The following PCDHGA9 variants were observed in gnomAD, a reference collection of about 807,000 sequenced individuals.
PCDHGA9 encodes the protein protocadherin gamma-A9.
PCDHGA9 carries 37 observed loss-of-function variants against 62.5 expected under a neutral mutation model. That is an observed-to-expected ratio of 0.59 (90% confidence interval 0.46 to 0.78). PCDHGA9 has a LOEUF of 0.78. PCDHGA9 is among the 30% of genes least tolerant of loss of function. The probability of loss-of-function intolerance (pLI) is 0.00; values close to 1 mark genes in which losing one functional copy is unlikely to be tolerated. For missense variants in PCDHGA9, 1,138 were observed against 1,166.2 expected (o/e 0.98, Z 0.35); for synonymous variants, 459 against 484.6 (o/e 0.95, Z 0.69).
At chr5:141,510,366 T>A (rs1452829030) in intron 3 of PCDHGA9, among the ~76,000 whole-genome samples, 1 of 140,062 alleles carries the variant, frequency 7.1e-6, no homozygotes, top group Non-Finnish European at 1.6e-5. Context: ...AACTACCGAA[T>A]CTCTACTCGT....
rs1184232947 is a variant in PCDHGA9 at position 141,487,060 on chromosome 5, G to T, written c.2425-7747G>T. ...TCTCTCGATATGCTGGGGAGGTGCG[G>T]ACGGCTGTTCCTATCCCAGCTGACC... On this transcript the variant is annotated intron_variant, in intron 1 of 3. Transcript: ENST00000573521. This position sits in a 1 kb window ranked among gnomAD's most constrained non-coding sequence, Gnocchi z 5.0. The T allele has an allele frequency of 1.9e-6, 3 of 1,614,182 alleles. No individual in the cohort carries two copies. In the East Asian group the frequency reaches 6.7e-5, roughly 36 times the overall value.
intron 1 of PCDHGA9, chr5:141,478,068 A>G (rs560968418): frequency 3.7e-6 from 6 of 1,614,134 alleles, no homozygotes; most frequent in East Asian, 4.5e-5. Flanking sequence ...ATCAAAGACA[A>G]TGGGGAGCCT....
intron 1 of PCDHGA9, chr5:141,426,945 A>G: frequency 8.8e-6 from 4 of 456,724 alleles, no homozygotes; most frequent in Non-Finnish European, 1.8e-5. Context: ...CCCAGTCCCA[A>G]CTGGCACTGC....
At position 141,433,110 on chromosome 5, in the gene PCDHGA9, G is replaced by A. The variant is rs1031253372; in HGVS notation, c.2424+27734G>A. On this transcript the variant is annotated intron_variant, in intron 1 of 3. Coordinates refer to ENST00000573521, the MANE Select transcript of PCDHGA9 (RefSeq NM_018921.3). Reference sequence around the variant, plus strand: ...GCAGACATGCTCGTCAGCCAGGAGAGCTTTGAAAAAAGCGAGCCCCTTTTG... The same window carrying A: ...GCAGACATGCTCGTCAGCCAGGAGAACTTTGAAAAAAGCGAGCCCCTTTTG... 3.1e-6 allele frequency: 5 copies of A among 1,613,982 alleles called. No homozygotes were observed. The African/African-American group carries it at 5.3e-5, about 17-fold the overall frequency.
chr5:141,413,150 T>C, intron 1 of PCDHGA9: 1 of 1,573,292 alleles, frequency 6.4e-7, no homozygotes. Context: ...AGTGAGGACT[T>C]TGCAGAATTC....
intron 1 of PCDHGA9, chr5:141,478,104 CTG>C: frequency 6.2e-7 from 1 of 1,614,118 alleles, no homozygotes; most frequent in Middle Eastern, 1.6e-4. Context: ...GCTACCCTCA[CTG>C]TGTCAGTAAC....
chr5:141,423,106 G>T lies in PCDHGA9; in HGVS notation c.2424+17730G>T, dbSNP rs562864937. On this transcript the variant is annotated intron_variant, in intron 1 of 3. Coordinates refer to ENST00000573521, the MANE Select transcript of PCDHGA9 (RefSeq NM_018921.3). ...CGCGGTGGGGGAGCACACGGGCGAGGTGCGTACAGCGCGGGCACTGCTGGA... is the reference window on the plus strand; with the variant it reads ...CGCGGTGGGGGAGCACACGGGCGAGTTGCGTACAGCGCGGGCACTGCTGGA... The T allele has an allele frequency of 1.2e-5, 19 of 1,613,894 alleles. No individual in the cohort carries two copies. The African/African-American group carries it at 2.1e-4, about 18-fold the overall frequency.
At position 141,455,354 on chromosome 5, in the gene PCDHGA9, T is replaced by C. The variant is rs185319743; in HGVS notation, c.2425-39453T>C. ...TGGTTTTAAGGAGCGGAGAGTTTAA[T>C]AGGCAAGAAGGAAGGGAGAAGACAG... On this transcript the variant is annotated intron_variant, in intron 1 of 3. Coordinates refer to ENST00000573521, the MANE Select transcript of PCDHGA9 (RefSeq NM_018921.3). Among the ~76,000 whole-genome samples the C allele has an allele frequency of 1.7e-3, 263 of 152,180 alleles. 2 individuals are homozygous for C. The highest frequency in any genetic ancestry group is 3.0e-3 in the Non-Finnish European group (207 of 68,010).
rs556099456 is a variant in PCDHGA9, at chr5:141,430,033, C to A, written c.2424+24657C>A. ...ACTTGGGTTCTTGTTAAGTGTGATT[C>A]TGATAATGTATACAATCACATATCA... On this transcript the variant is annotated intron_variant, in intron 1 of 3. Coordinates refer to ENST00000573521, the MANE Select transcript of PCDHGA9 (RefSeq NM_018921.3). 1.2e-4 allele frequency among the ~76,000 whole-genome samples: 18 copies of A among 152,184 alleles called. 1 individual carries two copies. In the South Asian group the frequency reaches 3.3e-3, roughly 28 times the overall value.
At chr5:141,510,785 C>G (rs951225541) in intron 3 of PCDHGA9, among the ~76,000 whole-genome samples, 162 bp from the exon 4 acceptor site, 1 of 152,150 alleles carries the variant, frequency 6.6e-6, no homozygotes, top group Non-Finnish European at 1.5e-5. Flanking sequence ...ACCCTCAACT[C>G]TTGTGAAGAG....
At chr5:141,417,718 G>T in intron 1 of PCDHGA9, 1 of 1,304,720 alleles carries the variant, frequency 7.7e-7, no homozygotes. Context: ...GCTCCCGGCT[G>T]CGCAGACCTT....
In PCDHGA9 at chr5:141,486,288, T is replaced by G. The variant is rs1181533037; in HGVS notation, c.2425-8519T>G. ...GAACCTGGCACTGTGGTGGCACTTA[T>G]CAGTGTGCAGGATCCAGACTCAGGG... On this transcript the variant is annotated intron_variant, in intron 1 of 3. Transcript: ENST00000573521. This position sits in a 1 kb window ranked among gnomAD's most constrained non-coding sequence, Gnocchi z 5.0. The G allele has an allele frequency of 6.2e-7, 1 of 1,613,996 alleles. No individual in the cohort carries two copies. The highest frequency in any genetic ancestry group is 1.7e-5 in the Admixed American group (1 of 60,000).
In PCDHGA9 at chr5:141,482,843, G is replaced by T. The variant is rs1005014887; in HGVS notation, c.2425-11964G>T. On this transcript the variant is annotated intron_variant, in intron 1 of 3. Transcript: ENST00000573521. ...TCCTAGCACTTTGGGAGGCCAAGGT[G>T]GGCAGATCACTTGAGGTCAGGAGTT... Among the ~76,000 whole-genome samples the T allele has an allele frequency of 4.3e-5, 6 of 140,152 alleles. No homozygotes were observed. The South Asian group carries it at 8.6e-4, about 20-fold the overall frequency. 91.9% of individuals were successfully genotyped at this position (140,152 alleles called of 152,430 possible).
Position 141,485,164 on chromosome 5 carries a change from G to A in PCDHGA9, c.2425-9643G>A, listed in dbSNP as rs2099608516. 2 of 1,605,832 alleles carry A rather than the reference G, an allele frequency of 1.2e-6. No homozygotes were observed. Among genetic ancestry groups the A allele is most frequent in the Admixed American group, 1.7e-5 (1 of 59,836 alleles). On this transcript the variant is annotated intron_variant, in intron 1 of 3. Coordinates refer to ENST00000573521, the MANE Select transcript of PCDHGA9 (RefSeq NM_018921.3). This position sits in a 1 kb window ranked among gnomAD's most constrained non-coding sequence, Gnocchi z 5.7. ...CTCAGGAGCAAGTAGAGAATTAGCG[G>A]GCGGCAGCAATGCTCCGCAAGGTGA...
At chr5:141,419,385 C>T (rs753470433) in intron 1 of PCDHGA9, 6 of 1,613,686 alleles carry the variant, frequency 3.7e-6, no homozygotes, top group Admixed American at 1.7e-5. Context: ...TCCGTGAGCG[C>T]GCAGAGCGGG....
Position 141,404,924 on chromosome 5 carries a change from G to A in PCDHGA9, c.1972G>A (p.Val658Ile). The A allele has an allele frequency of 6.2e-7, 1 of 1,613,908 alleles. No homozygotes were observed. The highest frequency in any genetic ancestry group is 1.1e-5 in the South Asian group (1 of 91,076). Residue 658 changes from valine to isoleucine, a missense_variant, in exon 1 of 4, where the codon GTC (valine) becomes ATC (isoleucine). Transcript: ENST00000573521. ...DHGQPPLSAT[V>I]TLTVAIADSI... Reference sequence around the variant, plus strand: ...TGGCCAGCCCCCTCTCTCGGCCACTGTCACGCTCACAGTAGCCATAGCTGA... The same window carrying A: ...TGGCCAGCCCCCTCTCTCGGCCACTATCACGCTCACAGTAGCCATAGCTGA...
intron 1 of PCDHGA9, chr5:141,422,570 A>G: frequency 6.2e-7 from 1 of 1,614,012 alleles, no homozygotes; most frequent in African/African-American, 1.3e-5. Flanking sequence ...GATGACAACG[A>G]TAACCCTCCC....
rs1386904017 is a variant in PCDHGA9 at position 141,476,642 on chromosome 5, CG to C, written c.2425-18164del. On this transcript the variant is annotated intron_variant, in intron 1 of 3. Coordinates refer to ENST00000573521, the MANE Select transcript of PCDHGA9 (RefSeq NM_018921.3). The surrounding 1 kb of genome is among the most constrained non-coding windows in gnomAD (Gnocchi z 7.6). ...CTCTTTACAAACCTATGAGCTGAGC[CG>C]AAATGAATACTTTGCGCTTCGCGTG... The C allele has an allele frequency of 2.5e-6, 4 of 1,614,240 alleles. No homozygotes were observed.
intron 1 of PCDHGA9, among the ~76,000 whole-genome samples, chr5:141,435,946 A>C (rs953432473): frequency 6.6e-6 from 1 of 152,174 alleles, no homozygotes; most frequent in Non-Finnish European, 1.5e-5. Flanking sequence ...CTGAGACCAA[A>C]AAAGGGGGCA....
Sources: allele counts gnomAD v4.1 joint callset (sites outside exome capture counted in the v4.1 genomes callset), GRCh38; gene constraint gnomAD v4.1.1; non-coding constraint Gnocchi (gnomAD v3.1); transcripts MANE v1.5; gene names NCBI Gene and HGNC (gene_info 2026-07-23, HGNC 2026-07-21).